The following NEDD4L variants were observed in gnomAD, a reference collection of about 807,000 sequenced individuals.
The protein encoded by NEDD4L is NEDD4 like E3 ubiquitin protein ligase, also known as E3 ubiquitin-protein ligase NEDD4-like.
NEDD4L carries 54 observed loss-of-function variants against 148.9 expected under a neutral mutation model. That is an observed-to-expected ratio of 0.36 (90% CI 0.29 to 0.45). The LOEUF is 0.45. Among genes scored for constraint, NEDD4L ranks in the 20% least tolerant of loss-of-function variants. The probability of loss-of-function intolerance (pLI) is 1.00; values close to 1 mark genes in which losing one functional copy is unlikely to be tolerated. For missense variants in NEDD4L, 856 were observed against 1,233.8 expected (o/e 0.69, Z 4.59); for synonymous variants, 433 against 440.7 (o/e 0.98, Z 0.22).
At chr18:58,274,244 C>T (rs1306365726) in intron 5 of NEDD4L, among the ~76,000 whole-genome samples, 1 of 152,212 alleles carries the variant, frequency 6.6e-6, no homozygotes, top group Non-Finnish European at 1.5e-5. Context: ...CAGTCCGTCT[C>T]CACACTCCTG....
At chr18:58,307,729 A>G (rs1300674284) in intron 5 of NEDD4L, among the ~76,000 whole-genome samples, 2 of 152,198 alleles carry the variant, frequency 1.3e-5, no homozygotes, top group African/African-American at 4.8e-5. Context: ...GCTTTTAGCA[A>G]TAAATATGAA....
chr18:58,314,597 A>G (rs2058064974), intron 5 of NEDD4L: 1 of 152,216 alleles, frequency 6.6e-6, no homozygotes, highest in South Asian at 2.1e-4. Context: ...TTGGTAAGAC[A>G]TACAGAATCT....
chr18:58,309,713 G>A (rs1460813204), intron 5 of NEDD4L, among the ~76,000 whole-genome samples: 2 of 151,916 alleles, frequency 1.3e-5, no homozygotes, highest in Non-Finnish European at 2.9e-5. Context: ...AAAAAAAATG[G>A]TGATTCTTGT....
chr18:58,259,734 C>T (rs2049096446), intron 5 of NEDD4L, among the ~76,000 whole-genome samples: 1 of 152,158 alleles, frequency 6.6e-6, no homozygotes, highest in Non-Finnish European at 1.5e-5. Flanking sequence ...CCCACCCGGA[C>T]AAAAGCAGTA....
In NEDD4L at chr18:58,359,421, C is replaced by A. The variant is rs188180697; in HGVS notation, c.1767+2169C>A. Among the ~76,000 whole-genome samples, 687 of 152,314 alleles carry A rather than the reference C, an allele frequency of 4.5e-3. 3 individuals carry two copies. Among genetic ancestry groups the A allele is most frequent in the African/African-American group, 0.013 (535 of 41,564 alleles). On this transcript the variant is annotated intron_variant, in intron 19 of 30. Coordinates refer to ENST00000400345, the MANE Select transcript of NEDD4L (RefSeq NM_001144967.3). ...ATGAATCACTGTCTACTCTCCTTAA[C>A]ATCAGGACCTCAGGGAACTTGAATG...
intron 1 of NEDD4L, among the ~76,000 whole-genome samples, chr18:58,073,822 A>G (rs1255694424): frequency 2.0e-5 from 3 of 152,200 alleles, no homozygotes; most frequent in Non-Finnish European, 4.4e-5. Flanking sequence ...TCAATGAATT[A>G]TACATTTGAG....
intron 4 of NEDD4L, among the ~76,000 whole-genome samples, chr18:58,250,355 G>A (rs1213679109): frequency 2.0e-5 from 3 of 152,150 alleles, no homozygotes; most frequent in South Asian, 4.2e-4. Flanking sequence ...TCACCATGTT[G>A]GCCAGGCTGG....
Position 58,378,378 on chromosome 18 carries a change from G to A in NEDD4L, c.2353-4868G>A, listed in dbSNP as rs553295735. 2.0e-3 allele frequency among the ~76,000 whole-genome samples: 308 copies of A among 152,326 alleles called. 1 individual carries two copies. Among genetic ancestry groups the A allele is most frequent in the Non-Finnish European group, 2.4e-3 (162 of 68,018 alleles). On this transcript the variant is annotated intron_variant, in intron 24 of 30. Transcript: ENST00000400345. ...AAGGTAGAGAAACACTTGGGGGAAG[G>A]CAGTGAGTGAAAAGGCAGAAATGGT... is the stretch of plus-strand genomic sequence containing the variant.
At chr18:58,104,740 A>AT (rs1189981118) in intron 1 of NEDD4L, among the ~76,000 whole-genome samples, 1 of 152,042 alleles carries the variant, frequency 6.6e-6, no homozygotes, top group Non-Finnish European at 1.5e-5. Flanking sequence ...GAACAATTGC[A>AT]TTTTTTCCTT....
At chr18:58,357,774 G>A (rs1191255671) in intron 19 of NEDD4L, among the ~76,000 whole-genome samples, 4 of 152,098 alleles carry the variant, frequency 2.6e-5, no homozygotes, top group Admixed American at 6.6e-5. Context: ...TATGCCGGGT[G>A]GAAAAAGAAT....
intron 5 of NEDD4L, among the ~76,000 whole-genome samples, chr18:58,295,165 A>G (rs998141934): frequency 6.6e-6 from 1 of 152,226 alleles, no homozygotes; most frequent in African/African-American, 2.4e-5. Context: ...GGTGTTGTAC[A>G]TGCTGTGGGT....
At chr18:58,147,513 T>C (rs1430830048) in intron 1 of NEDD4L, among the ~76,000 whole-genome samples, 1 of 152,212 alleles carries the variant, frequency 6.6e-6, no homozygotes, top group African/African-American at 2.4e-5. Context: ...AGAAGATACT[T>C]GTTCTCTTTC....
chr18:58,147,471 A>G (rs1472525943), intron 1 of NEDD4L, among the ~76,000 whole-genome samples: 5 of 152,188 alleles, frequency 3.3e-5, no homozygotes, highest in Non-Finnish European at 7.3e-5. Flanking sequence ...TATTTTGTCT[A>G]GCCTCTGCTG....
rs374665382 is a variant in NEDD4L at position 58,053,605 on chromosome 18, G to A, written c.48+8897G>A. On this transcript the variant is annotated intron_variant, in intron 1 of 30. Coordinates refer to ENST00000400345, the MANE Select transcript of NEDD4L (RefSeq NM_001144967.3). ...ATTACAGGCATGAGCCACCGTGCCC[G>A]GCCAACAATTTTTACATTCTAATTA... Among the ~76,000 whole-genome samples, 8 of 152,240 alleles carry A rather than the reference G, an allele frequency of 5.3e-5. No individual in the cohort carries two copies. In the East Asian group the frequency reaches 9.7e-4, roughly 18 times the overall value.
chr18:58,175,174 C>A (rs560853620), intron 2 of NEDD4L, among the ~76,000 whole-genome samples: 1 of 152,208 alleles, frequency 6.6e-6, no homozygotes. Context: ...TAATACAAAT[C>A]GAGATTTCCA....
Position 58,388,708 on chromosome 18 carries a change from A to C in NEDD4L, c.2548-377A>C, listed in dbSNP as rs1335973260. On this transcript the variant is annotated intron_variant, in intron 27 of 30. Transcript: ENST00000400345. The stretch of plus-strand genomic sequence containing the variant: ...TTTGTGGGTAGGGAGATGCTTTTAG[A>C]TATTCAGAGGAATAACCTCTCAGGA... The C allele has an allele frequency of 2.6e-5, 5 of 194,530 alleles. No individual in the cohort carries two copies. In the South Asian group the frequency reaches 5.4e-4, roughly 21 times the overall value. The allele number at this position is 194,530 out of a possible 1,614,324, so 12.1% of individuals were successfully genotyped here.
At chr18:58,336,438 G>A (rs755554227) in intron 13 of NEDD4L, among the ~76,000 whole-genome samples, 60 of 152,156 alleles carry the variant, frequency 3.9e-4, no homozygotes, top group Admixed American at 2.4e-3. Flanking sequence ...TTAGCCGGGC[G>A]TGGTGGTGAG....
chr18:58,211,379 T>C (rs933137113), intron 2 of NEDD4L, among the ~76,000 whole-genome samples: 1 of 152,236 alleles, frequency 6.6e-6, no homozygotes, highest in Non-Finnish European at 1.5e-5. Flanking sequence ...AATTATCTTT[T>C]CTGTGTTTTG....
At chr18:58,237,037 A>G (rs1244902461) in intron 2 of NEDD4L, among the ~76,000 whole-genome samples, 1 of 151,668 alleles carries the variant, frequency 6.6e-6, no homozygotes, top group Non-Finnish European at 1.5e-5. Flanking sequence ...TAATAATAAT[A>G]ATAATAATAA....
Sources: allele counts gnomAD v4.1 joint callset (sites outside exome capture counted in the v4.1 genomes callset), GRCh38; gene constraint gnomAD v4.1.1; transcripts MANE v1.5; gene names NCBI Gene and HGNC (gene_info 2026-07-23, HGNC 2026-07-21).